DSCAM: variants seen among roughly 807,000 people sequenced by gnomAD.
The protein encoded by DSCAM is DS cell adhesion molecule, also known as cell adhesion molecule DSCAM.
A neutral mutation model predicts 217.7 loss-of-function variants in DSCAM; 47 were observed. The observed-to-expected ratio is 0.22, with a 90% confidence interval of 0.17 to 0.28. The LOEUF (loss-of-function observed/expected upper bound fraction) is 0.28. Among genes scored for constraint, DSCAM ranks in the 10% least tolerant of loss-of-function variants. DSCAM has a pLI of 1.00. For synonymous variants in DSCAM, 1,056 were observed against 1,015.3 expected, an observed-to-expected ratio of 1.04 and a Z score of -0.76; for missense variants, 2,080 against 2,618.3, an observed-to-expected ratio of 0.79 and a Z score of 4.49.
intron 8 of DSCAM, among the ~76,000 whole-genome samples, chr21:40,324,541 A>G (rs2074297598): frequency 1.3e-5 from 2 of 152,182 alleles, no homozygotes; most frequent in East Asian, 1.9e-4. Context: ...ACATCTCTTG[A>G]AAGTTATTTT....
chr21:40,064,977 T>C (rs756230895), intron 27 of DSCAM, among the ~76,000 whole-genome samples: 16 of 152,128 alleles, frequency 1.1e-4, no homozygotes, highest in Non-Finnish European at 2.2e-4. Flanking sequence ...GGCCTGGGAC[T>C]TGTTGAAAGC....
intron 3 of DSCAM, among the ~76,000 whole-genome samples, chr21:40,412,786 T>C (rs2075334995): frequency 6.6e-6 from 1 of 152,176 alleles, no homozygotes; most frequent in African/African-American, 2.4e-5. Flanking sequence ...AGGAGCCAAA[T>C]GTTAATCCCC....
At chr21:40,817,892 C>G (rs374654472) in intron 1 of DSCAM, among the ~76,000 whole-genome samples, 134 of 142,956 alleles carry the variant, frequency 9.4e-4, no homozygotes, top group African/African-American at 3.3e-3. Context: ...GTCAGGAGAT[C>G]GAGACCATCC....
intron 3 of DSCAM, among the ~76,000 whole-genome samples, chr21:40,471,702 C>A (rs887968109): frequency 5.9e-5 from 9 of 152,232 alleles, no homozygotes; most frequent in African/African-American, 2.2e-4. Context: ...GCAGCTATTA[C>A]ACAAGCTCTG....
rs751908159 is a variant in DSCAM at position 40,042,423 on chromosome 21, A to G, written c.5634T>C (p.Pro1878=). 6 of 1,613,852 alleles carry G rather than the reference A, an allele frequency of 3.7e-6. No individual in the cohort carries two copies. The Admixed American group carries it at 1.0e-4, about 27-fold the overall frequency. ...TATTCATTACTCTTCCTCCATCCTG[A>G]GGTTTGGGGGGAGATGCAGTGAACC... ...ICRFTASPPK[P]QDGGRVMNMA... The change falls in exon 32 of 33, where the codon CCT becomes CCC. Residue 1878 remains proline (P), a synonymous_variant. Coordinates refer to ENST00000400454, the MANE Select transcript of DSCAM (RefSeq NM_001389.5).
At chr21:40,349,734 T>C (rs1459447151) in intron 5 of DSCAM, among the ~76,000 whole-genome samples, 1 of 152,076 alleles carries the variant, frequency 6.6e-6, no homozygotes, top group Non-Finnish European at 1.5e-5. Context: ...CAAAACAAAA[T>C]TTTTGGTGAA....
chr21:40,619,314 C>G (rs2089448240), intron 3 of DSCAM, among the ~76,000 whole-genome samples: 3 of 152,052 alleles, frequency 2.0e-5, no homozygotes, highest in Non-Finnish European at 4.4e-5. Context: ...ATTTATAAAA[C>G]AATTATTGTT....
chr21:40,374,567 T>C (rs2074931325), intron 3 of DSCAM, among the ~76,000 whole-genome samples: 1 of 152,078 alleles, frequency 6.6e-6, no homozygotes. Context: ...GTCCATGGAG[T>C]ATTTTTGTAT....
chr21:40,322,223 C>T (rs1193784161), intron 8 of DSCAM, among the ~76,000 whole-genome samples: 1 of 152,138 alleles, frequency 6.6e-6, no homozygotes, highest in Non-Finnish European at 1.5e-5. Context: ...TGCTTCCTGT[C>T]GTGTGTTGCC....
intron 3 of DSCAM, among the ~76,000 whole-genome samples, chr21:40,495,294 T>C (rs1330730456): frequency 6.6e-6 from 1 of 152,066 alleles, no homozygotes; most frequent in Non-Finnish European, 1.5e-5. Context: ...CAGGCCCGTA[T>C]CCTAGCAAAC....
At chr21:40,804,113 A>G (rs773134873) in intron 1 of DSCAM, among the ~76,000 whole-genome samples, 8 of 152,212 alleles carry the variant, frequency 5.3e-5, no homozygotes, top group East Asian at 1.9e-4. Flanking sequence ...CACTTAGGTT[A>G]GAATGGAGAC....
intron 1 of DSCAM, among the ~76,000 whole-genome samples, chr21:40,722,770 C>T (rs367983937): frequency 2.0e-5 from 3 of 151,968 alleles, no homozygotes; most frequent in African/African-American, 7.2e-5. Flanking sequence ...CCTAACTATA[C>T]GCTATCCAGG....
At chr21:40,159,258 A>G (rs1322715959) in intron 16 of DSCAM, among the ~76,000 whole-genome samples, 1 of 152,126 alleles carries the variant, frequency 6.6e-6, no homozygotes, top group East Asian at 1.9e-4. Flanking sequence ...TTCCTTTTTC[A>G]TTCTAACATC....
At chr21:40,577,583 T>C (rs2076863626) in intron 3 of DSCAM, among the ~76,000 whole-genome samples, 1 of 151,334 alleles carries the variant, frequency 6.6e-6, no homozygotes, top group Non-Finnish European at 1.5e-5. Flanking sequence ...AACGCCACAC[T>C]TTGGGATGAA....
chr21:40,149,777 C>T (rs1401467381), intron 16 of DSCAM, among the ~76,000 whole-genome samples: 1 of 149,998 alleles, frequency 6.7e-6, no homozygotes, highest in East Asian at 2.0e-4. Context: ...ATCCCAACAC[C>T]AACACCACTG....
intron 10 of DSCAM, among the ~76,000 whole-genome samples, chr21:40,288,166 GC>G (rs1044759712): frequency 1.1e-4 from 17 of 152,202 alleles, no homozygotes; most frequent in African/African-American, 4.1e-4. Context: ...ACCCCTTTCC[GC>G]CCAGAAAACC....
intron 3 of DSCAM, among the ~76,000 whole-genome samples, chr21:40,434,303 C>T (rs1439669148): frequency 5.9e-5 from 9 of 152,222 alleles, no homozygotes; most frequent in African/African-American, 1.9e-4. Flanking sequence ...GAGCAGTGTG[C>T]TCATGCCAAC....
intron 3 of DSCAM, among the ~76,000 whole-genome samples, chr21:40,560,688 T>C (rs2076713628): frequency 6.6e-6 from 1 of 152,234 alleles, no homozygotes; most frequent in Non-Finnish European, 1.5e-5. Flanking sequence ...AGCCTACAGT[T>C]GGGCAAAATC....
At chr21:40,549,788 A>C (rs1362662498) in intron 3 of DSCAM, among the ~76,000 whole-genome samples, 3 of 152,210 alleles carry the variant, frequency 2.0e-5, no homozygotes, top group Non-Finnish European at 4.4e-5. Flanking sequence ...GGCTGTGGTG[A>C]AATGGTGGTG....
Sources: allele counts gnomAD v4.1 joint callset (sites outside exome capture counted in the v4.1 genomes callset), GRCh38; gene constraint gnomAD v4.1.1; transcripts MANE v1.5; gene names NCBI Gene and HGNC (gene_info 2026-07-23, HGNC 2026-07-21).